Variants in RBFOX1 observed in about 807,000 individuals in gnomAD.
RBFOX1 encodes the protein RNA binding protein fox-1 homolog 1.
In RBFOX1, 8 loss-of-function variants were observed where a neutral mutation model predicts 57.7. The ratio of observed to expected loss-of-function variants is 0.14; its 90% CI spans 0.08 to 0.25. The LOEUF (loss-of-function observed/expected upper bound fraction) is 0.25, where lower values mean the gene tolerates loss of function less well. RBFOX1 is among the 10% of genes least tolerant of loss of function. The probability of loss-of-function intolerance (pLI) is 1.00; values close to 1 mark genes in which losing one functional copy is unlikely to be tolerated. For synonymous variants in RBFOX1, 326 were observed against 222.4 expected, an observed-to-expected ratio of 1.47 and a Z score of -4.15; for missense variants, 611 against 548.5, an observed-to-expected ratio of 1.11 and a Z score of -1.14.
intron 1 of RBFOX1, among the ~76,000 whole-genome samples, chr16:6,086,568 G>A (rs573428095): frequency 3.3e-5 from 5 of 152,290 alleles, no homozygotes; most frequent in East Asian, 1.9e-4. Context: ...AGTACCTGAC[G>A]TGAAATGGAG....
intron 4 of RBFOX1, among the ~76,000 whole-genome samples, chr16:5,980,143 A>G (rs1596335728): frequency 6.6e-6 from 1 of 152,240 alleles, no homozygotes. Context: ...AATCTTAGCT[A>G]TCATAAACAA....
At chr16:7,582,931 C>A (rs1683929048) in intron 6 of RBFOX1, among the ~76,000 whole-genome samples, 1 of 152,184 alleles carries the variant, frequency 6.6e-6, no homozygotes, top group African/African-American at 2.4e-5. Context: ...GTGATCATTA[C>A]AACGTCTGTA....
At chr16:6,717,056 C>T (rs1268247661) in intron 3 of RBFOX1, among the ~76,000 whole-genome samples, 2 of 152,124 alleles carry the variant, frequency 1.3e-5, no homozygotes, top group Non-Finnish European at 2.9e-5. Flanking sequence ...AGAAGGCTGC[C>T]ATGTGCAAAC....
At chr16:6,406,720 G>A (rs2093293559) in intron 2 of RBFOX1, among the ~76,000 whole-genome samples, 1 of 152,110 alleles carries the variant, frequency 6.6e-6, no homozygotes, top group Non-Finnish European at 1.5e-5. Context: ...AGGATGCTGG[G>A]ACCCCCATCA....
At chr16:6,588,179 T>G (rs1485850527) in intron 2 of RBFOX1, among the ~76,000 whole-genome samples, 2 of 150,004 alleles carry the variant, frequency 1.3e-5, no homozygotes, top group Non-Finnish European at 3.0e-5. Flanking sequence ...TGCAGTGAGC[T>G]GAGATTGTGC....
Position 5,507,664 on chromosome 16 carries a change from T to A in RBFOX1, c.258+40410T>A, listed in dbSNP as rs12924346. Among the ~76,000 whole-genome samples the A allele has an allele frequency of 1.7e-4, 26 of 152,338 alleles. No homozygotes were observed. In the East Asian group the frequency reaches 5.0e-3, roughly 29 times the overall value. Reference sequence around the variant, plus strand: ...TAATCCAGTTAAGATGAGGTCATACTGGAGTGGGGTGGGTCTTAATCCAGT... The same window carrying A: ...TAATCCAGTTAAGATGAGGTCATACAGGAGTGGGGTGGGTCTTAATCCAGT... On this transcript the variant is annotated intron_variant, in intron 2 of 2. Coordinates refer to the RBFOX1 transcript ENST00000585867.
intron 3 of RBFOX1, among the ~76,000 whole-genome samples, chr16:5,828,893 A>G (rs938551743): frequency 5.3e-5 from 8 of 152,158 alleles, no homozygotes; most frequent in African/African-American, 1.9e-4. Flanking sequence ...GAGTAACTTA[A>G]AACAACATCA....
At chr16:7,575,356 A>C (rs1346141898) in intron 5 of RBFOX1, among the ~76,000 whole-genome samples, 1 of 152,032 alleles carries the variant, frequency 6.6e-6, no homozygotes, top group African/African-American at 2.4e-5. Flanking sequence ...GCTGGTCTTG[A>C]ACTCCTTACC....
At chr16:7,150,090 C>G (rs1265778195) in intron 4 of RBFOX1, among the ~76,000 whole-genome samples, 1 of 152,170 alleles carries the variant, frequency 6.6e-6, no homozygotes, top group Non-Finnish European at 1.5e-5. Context: ...GCCTGTTCTT[C>G]CCTCTCTCTT....
chr16:7,653,206 AAT>A (rs1459146498), intron 11 of RBFOX1, among the ~76,000 whole-genome samples: 2 of 152,186 alleles, frequency 1.3e-5, no homozygotes, highest in Admixed American at 6.5e-5. Context: ...CCCTTTTAAA[AAT>A]ATGTTTGTGG....
intron 3 of RBFOX1, among the ~76,000 whole-genome samples, chr16:5,780,142 A>G (rs1252551890): frequency 1.3e-5 from 2 of 152,184 alleles, no homozygotes; most frequent in African/African-American, 2.4e-5. Flanking sequence ...AGATGGGACT[A>G]CAAGTGCGTG....
chr16:7,528,378 T>G (rs570210436), intron 5 of RBFOX1, among the ~76,000 whole-genome samples: 7 of 152,338 alleles, frequency 4.6e-5, no homozygotes, highest in Admixed American at 6.5e-5. Context: ...ATCCATCCTT[T>G]CTGTAGCTCA....
At chr16:7,556,350 G>A (rs1337464218) in intron 5 of RBFOX1, among the ~76,000 whole-genome samples, 2 of 152,102 alleles carry the variant, frequency 1.3e-5, no homozygotes, top group Non-Finnish European at 2.9e-5. Flanking sequence ...TTAAACCACG[G>A]CACATGAAGA....
intron 1 of RBFOX1, among the ~76,000 whole-genome samples, chr16:6,125,086 C>T (rs1357331187): frequency 6.6e-6 from 1 of 152,124 alleles, no homozygotes; most frequent in Non-Finnish European, 1.5e-5. Context: ...CCCCATCCTC[C>T]ACATCCACTG....
intron 3 of RBFOX1, among the ~76,000 whole-genome samples, chr16:6,699,417 A>G (rs992196997): frequency 6.6e-6 from 1 of 152,006 alleles, no homozygotes; most frequent in African/African-American, 2.4e-5. Flanking sequence ...AGTCCAGACC[A>G]TGCTGCGTGT....
intron 3 of RBFOX1, among the ~76,000 whole-genome samples, chr16:6,933,147 G>A (rs113348057): frequency 0.021 from 3,215 of 152,240 alleles, 119 homozygotes; most frequent in African/African-American, 0.073. Context: ...CCATTCATCT[G>A]TAGACGCTTG....
chr16:6,988,740 TTTG>T (rs1215328793), intron 3 of RBFOX1, among the ~76,000 whole-genome samples: 12 of 66,852 alleles, frequency 1.8e-4, no homozygotes, highest in African/African-American at 6.7e-4. Flanking sequence ...AATTTTTTTT[TTTG>T]TTTGTTTGTT....
intron 4 of RBFOX1, among the ~76,000 whole-genome samples, chr16:5,875,643 G>C (rs887346321): frequency 2.0e-5 from 3 of 152,140 alleles, no homozygotes; most frequent in African/African-American, 7.2e-5. Context: ...GGAAATAGCA[G>C]AAGTATCAAC....
At chr16:6,849,049 CAGATTTAGGAAAAAGT>C (rs1471996163) in intron 3 of RBFOX1, among the ~76,000 whole-genome samples, 18 of 152,170 alleles carry the variant, frequency 1.2e-4, no homozygotes, top group African/African-American at 3.9e-4. Context: ...CCTGAACCTG[CAGATTTAGGAAAAAGT>C]AAACAGCTGT....
Sources: gnomAD v4.1 joint callset for allele counts (sites outside exome capture counted in the v4.1 genomes callset) on GRCh38, gnomAD v4.1.1 for gene constraint, MANE v1.5 for transcripts, NCBI Gene and HGNC (gene_info 2026-07-23, HGNC 2026-07-21) for gene names.